Variants in FMN2 observed in about 807,000 individuals in gnomAD.
FMN2 encodes formin 2.
A neutral mutation model predicts 142.3 loss-of-function variants in FMN2; 51 were observed. The ratio of observed to expected loss-of-function variants is 0.36; its 90% CI spans 0.29 to 0.45. The LOEUF (loss-of-function observed/expected upper bound fraction) is 0.45, where lower values mean the gene tolerates loss of function less well. Ranked by LOEUF, FMN2 falls within the 20% of genes least tolerant of loss-of-function variation. FMN2 has a pLI of 1.00. For synonymous variants in FMN2, 882 were observed against 869.8 expected, an observed-to-expected ratio of 1.01 and a Z score of -0.25; for missense variants, 1,936 against 2,122.8, an observed-to-expected ratio of 0.91 and a Z score of 1.73.
intron 14 of FMN2, among the ~76,000 whole-genome samples, chr1:240,391,825 CAAA>C (rs71638662): frequency 7.2e-6 from 1 of 139,656 alleles, no homozygotes; most frequent in Non-Finnish European, 1.6e-5. Context: ...GCTTACTTGT[CAAA>C]AAAAAAAAAT....
intron 7 of FMN2, among the ~76,000 whole-genome samples, chr1:240,271,541 C>T (rs1435969239): frequency 6.6e-6 from 1 of 150,868 alleles, no homozygotes; most frequent in Non-Finnish European, 1.5e-5. Flanking sequence ...AATTTTAAGA[C>T]CTGTTTATTA....
chr1:240,152,668 G>A (rs10495459), intron 2 of FMN2, among the ~76,000 whole-genome samples: 73,147 of 152,020 alleles, frequency 0.48, 18,313 homozygotes, highest in South Asian at 0.65. Flanking sequence ...ACAACATCCC[G>A]AGAAACTAAT....
At chr1:240,434,307 G>C (rs189259024) in intron 15 of FMN2, among the ~76,000 whole-genome samples, 17 of 152,118 alleles carry the variant, frequency 1.1e-4, no homozygotes, top group African/African-American at 4.1e-4. Context: ...GTATATGGTG[G>C]CTGGGATCCT....
rs753960191 is a variant in FMN2, at chr1:240,208,487, C to G, written c.3675C>G (p.Leu1225=). ...MGIPPAPAPP[L]PPPGTGIPPP... ...TTCCACCTGCTCCAGCTCCCCCACT[C>G]CCTCCACCTGGGACAGGAATCCCAC... The change falls in exon 5 of 18, where the codon CTC becomes CTG. Residue 1225 remains leucine (L), a synonymous_variant. Transcript: ENST00000319653. 7.4e-6 allele frequency: 12 copies of G among 1,610,970 alleles called. No individual in the cohort carries two copies. In the Admixed American group the frequency reaches 1.2e-4, roughly 16 times the overall value.
intron 14 of FMN2, among the ~76,000 whole-genome samples, chr1:240,363,585 G>A (rs1672564004): frequency 6.6e-6 from 1 of 152,148 alleles, no homozygotes; most frequent in South Asian, 2.1e-4. Flanking sequence ...GCGTGCGTGT[G>A]CATGCATGTG....
intron 6 of FMN2, among the ~76,000 whole-genome samples, chr1:240,242,940 A>G (rs1667960493): frequency 6.6e-6 from 1 of 152,156 alleles, no homozygotes; most frequent in Admixed American, 6.5e-5. Context: ...TCTGGTGCCA[A>G]CCAGATAGTC....
intron 14 of FMN2, among the ~76,000 whole-genome samples, chr1:240,358,940 C>T (rs1176931600): frequency 2.6e-5 from 4 of 152,038 alleles, no homozygotes; most frequent in Non-Finnish European, 5.9e-5. Context: ...AGTTCGAGAC[C>T]AGCCTGAAAC....
At chr1:240,228,331 AAGAAAAAGAAAAAG>A (rs1667409252) in intron 6 of FMN2, among the ~76,000 whole-genome samples, 1 of 67,620 alleles carries the variant, frequency 1.5e-5, no homozygotes, top group African/African-American at 8.7e-5. Context: ...AAAAAAAAAA[AAGAAAAAGAAAAAG>A]AAAAAGAAAG....
At chr1:240,371,148 C>T (rs1287367323) in intron 14 of FMN2, among the ~76,000 whole-genome samples, 6 of 151,644 alleles carry the variant, frequency 4.0e-5, no homozygotes, top group African/African-American at 9.7e-5. Context: ...TTGGTAGAGA[C>T]GAGGTTTCAC....
chr1:240,130,791 A>G (rs1278507249), intron 2 of FMN2, among the ~76,000 whole-genome samples: 3 of 151,756 alleles, frequency 2.0e-5, no homozygotes, highest in Admixed American at 6.6e-5. Flanking sequence ...AATATTTTTT[A>G]TTTTTCAGCT....
intron 14 of FMN2, among the ~76,000 whole-genome samples, chr1:240,380,809 C>T (rs943687194): frequency 3.3e-5 from 5 of 149,900 alleles, no homozygotes; most frequent in African/African-American, 1.2e-4. Context: ...CAAAAAGTTA[C>T]CTCTTTGAAA....
At position 240,243,918 on chromosome 1, in the gene FMN2, T is replaced by C. The variant is rs527620359; in HGVS notation, c.4066-14027T>C. ...ATTTACTATTTCATATTTACTTATA[T>C]TCTCCTGGTCATTAGGGTATTCTTG... On this transcript the variant is annotated intron_variant, in intron 6 of 17. Transcript: ENST00000319653. Among the ~76,000 whole-genome samples, 478 of 152,352 alleles carry C rather than the reference T, an allele frequency of 3.1e-3. 2 individuals carry two copies. Among genetic ancestry groups the C allele is most frequent in the South Asian group, 0.017 (80 of 4,830 alleles).
intron 8 of FMN2, among the ~76,000 whole-genome samples, chr1:240,305,647 T>C (rs1243074267): frequency 1.3e-5 from 2 of 152,228 alleles, no homozygotes; most frequent in African/African-American, 4.8e-5. Flanking sequence ...AAAATGCTAC[T>C]ATAGTGCAGT....
In FMN2 at chr1:240,264,613, T is replaced by C. The variant is rs574343898; in HGVS notation, c.4153+6581T>C. On this transcript the variant is annotated intron_variant, in intron 7 of 17. Transcript: ENST00000319653. ...GTTCTCATTGTTCAACTCCCACTTATGAGTGAGAACATGTGGTGTTCAGTT... is the reference window on the plus strand; with the variant it reads ...GTTCTCATTGTTCAACTCCCACTTACGAGTGAGAACATGTGGTGTTCAGTT... Among the ~76,000 whole-genome samples, 14 of 152,268 alleles carry C rather than the reference T, an allele frequency of 9.2e-5. 1 individual carries two copies. Among genetic ancestry groups the C allele is most frequent in the Middle Eastern group, 6.8e-3 (2 of 294 alleles).
intron 7 of FMN2, among the ~76,000 whole-genome samples, chr1:240,267,443 G>A (rs767059719): frequency 1.3e-5 from 2 of 151,854 alleles, no homozygotes; most frequent in African/African-American, 2.4e-5. Context: ...ACGAGAACAC[G>A]TGGACACATA....
chr1:240,468,756 G>C (rs1277755947), intron 16 of FMN2, among the ~76,000 whole-genome samples: 1 of 152,146 alleles, frequency 6.6e-6, no homozygotes, highest in East Asian at 1.9e-4. Flanking sequence ...CGTACAAACA[G>C]TTACTCAATA....
rs879503302 is a variant in FMN2, at chr1:240,109,045, C to G, written c.1616-14134C>G. ...AGCGAGACTCTGTCTCAAAAACACC[C>G]CAAAAAACCCAAAAAACCCACATGC... On this transcript the variant is annotated intron_variant, in intron 1 of 17. Transcript: ENST00000319653. Among the ~76,000 whole-genome samples, 10 of 151,978 alleles carry G rather than the reference C, an allele frequency of 6.6e-5. No homozygotes were observed. In the East Asian group the frequency reaches 1.7e-3, roughly 27 times the overall value.
At chr1:240,170,611 G>A (rs1432413514) in intron 2 of FMN2, 7 of 1,574,854 alleles carry the variant, frequency 4.4e-6, no homozygotes, top group Admixed American at 1.7e-5. Flanking sequence ...CACATTTTCT[G>A]AATGCACAGT....
intron 15 of FMN2, among the ~76,000 whole-genome samples, chr1:240,419,908 C>T (rs759939972): frequency 2.6e-5 from 4 of 152,104 alleles, no homozygotes; most frequent in Non-Finnish European, 5.9e-5. Flanking sequence ...AGAGGTTGAG[C>T]AGCACACTTG....
Sources: allele counts gnomAD v4.1 joint callset (sites outside exome capture counted in the v4.1 genomes callset), GRCh38; gene constraint gnomAD v4.1.1; transcripts MANE v1.5; gene names NCBI Gene and HGNC (gene_info 2026-07-23, HGNC 2026-07-21).